The following WDR3 variants were observed in gnomAD, a reference collection of about 807,000 sequenced individuals.
WDR3 encodes the protein WD repeat domain 3, also known as WD repeat-containing protein 3.
WDR3 carries 81 observed loss-of-function variants against 123.7 expected under a neutral mutation model. The ratio of observed to expected loss-of-function variants is 0.65; its 90% CI spans 0.55 to 0.79. The LOEUF is 0.79. Among genes scored for constraint, WDR3 ranks in the 30% least tolerant of loss-of-function variants. The pLI is 0.00. For synonymous variants in WDR3, 390 were observed against 388.8 expected, an observed-to-expected ratio of 1.00 and a Z score of -0.04; for missense variants, 1,027 against 1,123.2, an observed-to-expected ratio of 0.91 and a Z score of 1.22.
rs1206938226 is a variant in WDR3, at chr1:117,954,751, CTT to C, written c.2409+127_2409+128del. On this transcript the variant is annotated intron_variant, in intron 23 of 26. Coordinates refer to ENST00000349139, the MANE Select transcript of WDR3 (RefSeq NM_006784.3). ...GGGAATACTTTGTCTTCAAAAGTCT[CTT>C]TTGAATCTTGGCATTCTCTAGGATA... is the stretch of plus-strand genomic sequence containing the variant. The C allele has an allele frequency of 3.9e-6, 4 of 1,033,364 alleles. No homozygotes were observed. The African/African-American group carries it at 4.9e-5, about 13-fold the overall frequency. The allele number at this position is 1,033,364 out of a possible 1,614,324, so 64.0% of individuals were successfully genotyped here. A position where few individuals can be genotyped will look rare whatever the true frequency, so the allele number is the denominator to read the frequency against.
intron 3 of WDR3, among the ~76,000 whole-genome samples, chr1:117,935,239 A>G (rs2101193331): frequency 6.6e-6 from 1 of 152,340 alleles, no homozygotes; most frequent in East Asian, 1.9e-4. Flanking sequence ...ATATAGCTAA[A>G]GCTATGTTTA....
intron 23 of WDR3, 30 bp downstream of exon 23, chr1:117,954,657 G>A: frequency 6.2e-7 from 1 of 1,602,426 alleles, no homozygotes; most frequent in Admixed American, 1.7e-5. Flanking sequence ...GTTTTCCTTT[G>A]TTTATTAAAA....
At position 117,952,607 on chromosome 1, in the gene WDR3, T is replaced by C; in HGVS notation, c.2096T>C (p.Leu699Pro). The C allele has an allele frequency of 6.2e-7, 1 of 1,613,640 alleles. No individual in the cohort carries two copies. The highest frequency in any genetic ancestry group is 8.5e-7 in the Non-Finnish European group (1 of 1,179,642). The change falls in exon 19 of 27, where the codon CTG becomes CCG. Residue 699 changes from leucine to proline, a missense_variant. By Grantham distance (98) the Leu-to-Pro change is moderately conservative (BLOSUM62 -3). Transcript: ENST00000349139. Reference protein sequence around the residue: ...YVVSSSHDKSLRLWERTREPL... With the variant: ...YVVSSSHDKSPRLWERTREPL... ...GTATCATCGTCCCATGACAAATCTC[T>C]GAGACTTTGGGAGAGAACAAGGGAG...
In WDR3 at chr1:117,936,811, C is replaced by T; in HGVS notation, c.424C>T (p.Leu142=). The T allele has an allele frequency of 6.2e-7, 1 of 1,613,266 alleles. No individual in the cohort carries two copies. Among genetic ancestry groups the T allele is most frequent in the Non-Finnish European group, 8.5e-7 (1 of 1,179,430 alleles). Residue 142 remains leucine (L), a synonymous_variant, in exon 4 of 27, where the codon CTG becomes TTG. Transcript: ENST00000349139. ...IVWDVINESG[L]YRLKGHKDAI... ...ATGGGATGTGATCAATGAAAGTGGTCTGTACCGTCTAAAGGGGCACAAGGA... is the reference window on the plus strand; with the variant it reads ...ATGGGATGTGATCAATGAAAGTGGTTTGTACCGTCTAAAGGGGCACAAGGA...
At chr1:117,932,329 T>A (rs553887227) in intron 1 of WDR3, among the ~76,000 whole-genome samples, 125 of 152,338 alleles carry the variant, frequency 8.2e-4, no homozygotes, top group African/African-American at 2.6e-3. Context: ...TCTCAAAGTG[T>A]GGTCCAAGAA....
intron 11 of WDR3, among the ~76,000 whole-genome samples, chr1:117,944,725 A>G (rs1453218727): frequency 2.6e-5 from 4 of 152,136 alleles, no homozygotes; most frequent in Non-Finnish European, 5.9e-5. Flanking sequence ...ATTTTGAGAC[A>G]GAGGCTCGCT....
rs544162197 is a variant in WDR3, at chr1:117,931,359, G to A, written c.-33+1577G>A. 2.9e-4 allele frequency among the ~76,000 whole-genome samples: 44 copies of A among 152,306 alleles called. 1 individual carries two copies. Among genetic ancestry groups the A allele is most frequent in the African/African-American group, 9.6e-4 (40 of 41,560 alleles). On this transcript the variant is annotated intron_variant, in intron 1 of 26. Coordinates refer to ENST00000349139, the MANE Select transcript of WDR3 (RefSeq NM_006784.3). Reference sequence around the variant, plus strand: ...GCATAATGTTATCAGTTACTATAGCGTAAGCACTCTCTAAATCTTGGCTGC... The same window carrying A: ...GCATAATGTTATCAGTTACTATAGCATAAGCACTCTCTAAATCTTGGCTGC...
At chr1:117,949,049 A>G (rs1223087145) in intron 13 of WDR3, among the ~76,000 whole-genome samples, 2 of 152,098 alleles carry the variant, frequency 1.3e-5, no homozygotes, top group Admixed American at 6.5e-5. Flanking sequence ...ATGATAGACA[A>G]TTTTCATCCG....
Position 117,964,190 on chromosome 1 carries a change from C to A in WDR3, c.*4743C>A. On this transcript the variant is annotated 3_prime_UTR_variant, in exon 27 of 27. Coordinates refer to ENST00000349139, the MANE Select transcript of WDR3 (RefSeq NM_006784.3). ...CTGTGACTGGCTTTCTATAAGGAGC[C>A]ATCAGTATGGTCAAGCCCCAAACCA... 3.1e-6 allele frequency: 1 copy of A among 319,796 alleles called. No homozygotes were observed. Among genetic ancestry groups the A allele is most frequent in the Non-Finnish European group, 5.9e-6 (1 of 170,892 alleles). The allele number at this position is 319,796 out of a possible 1,614,324, so 19.8% of individuals were successfully genotyped here.
chr1:117,952,124 A>T (rs922848073), intron 17 of WDR3, 48 bp downstream of exon 17: 1 of 1,577,996 alleles, frequency 6.3e-7, no homozygotes, highest in African/African-American at 1.4e-5. Flanking sequence ...CCTGTAAGTT[A>T]TCACTTTCCT....
intron 8 of WDR3, 32 bp from the exon 9 acceptor site, chr1:117,941,718 C>T (rs1441371015): frequency 6.3e-7 from 1 of 1,596,454 alleles, no homozygotes; most frequent in African/African-American, 1.4e-5. Flanking sequence ...AATTACCTCT[C>T]CTTGACTCAC....
intron 15 of WDR3, among the ~76,000 whole-genome samples, 182 bp from the exon 16 acceptor site, chr1:117,950,650 GCA>G (rs1360729993): frequency 6.6e-6 from 1 of 152,052 alleles, no homozygotes; most frequent in South Asian, 2.1e-4. Flanking sequence ...TTCTTGGCAA[GCA>G]CATGGAGGGT....
chr1:117,957,889 A>T (rs1279078897), intron 25 of WDR3, among the ~76,000 whole-genome samples: 1 of 152,218 alleles, frequency 6.6e-6, no homozygotes, highest in Non-Finnish European at 1.5e-5. Context: ...TGGTCTCTAC[A>T]GGTGCAAATG....
chr1:117,962,750 T>C lies in WDR3; in HGVS notation c.*3303T>C, dbSNP rs1275276437. The C allele has an allele frequency of 1.3e-5, 2 of 152,242 alleles. No homozygotes were observed. Among genetic ancestry groups the C allele is most frequent in the Non-Finnish European group, 1.5e-5 (1 of 68,044 alleles). 9.4% of individuals were successfully genotyped at this position (152,242 alleles called of 1,614,324 possible). ...TAAATTATATCTCATTCTAAAGATA[T>C]CTAGCAAATCTCCAGCAGAGATCTA... is the stretch of plus-strand genomic sequence containing the variant. On this transcript the variant is annotated 3_prime_UTR_variant, in exon 27 of 27. Coordinates refer to ENST00000349139, the MANE Select transcript of WDR3 (RefSeq NM_006784.3).
Position 117,966,473 on chromosome 1 carries a change from CTT to C in WDR3, c.*7028_*7029del, listed in dbSNP as rs1468075431. 2 of 900,614 alleles carry C rather than the reference CTT, an allele frequency of 2.2e-6. No individual in the cohort carries two copies. The highest frequency in any genetic ancestry group is 3.2e-6 in the Non-Finnish European group (2 of 632,422). The allele number at this position is 900,614 out of a possible 1,614,324, so 55.8% of individuals were successfully genotyped here. A position where few individuals can be genotyped will look rare whatever the true frequency, so the allele number is the denominator to read the frequency against. ...GCTTTCAAAGATGAATGAAGATGCT[CTT>C]TGTCTTAATAAATTTAACTCTGATT... On this transcript the variant is annotated 3_prime_UTR_variant, in exon 27 of 27. Coordinates refer to ENST00000349139, the MANE Select transcript of WDR3 (RefSeq NM_006784.3).
intron 5 of WDR3, among the ~76,000 whole-genome samples, chr1:117,938,770 C>T (rs1039405780): frequency 3.3e-5 from 5 of 152,108 alleles, no homozygotes; most frequent in Admixed American, 6.5e-5. Context: ...ATTGGCCTTG[C>T]GTGGTTTTTA....
chr1:117,957,366 C>T (rs1437958444), intron 25 of WDR3, among the ~76,000 whole-genome samples, 170 bp downstream of exon 25: 1 of 152,154 alleles, frequency 6.6e-6, no homozygotes, highest in African/African-American at 2.4e-5. Flanking sequence ...TGCTTGAGCC[C>T]AGAAGTTTGC....
At chr1:117,950,920 A>G in intron 16 of WDR3, 30 bp downstream of exon 16, 1 of 1,572,184 alleles carries the variant, frequency 6.4e-7, no homozygotes, top group South Asian at 1.2e-5. Context: ...TCTCAGTAAT[A>G]TGTTGTCTTT....
intron 25 of WDR3, among the ~76,000 whole-genome samples, chr1:117,957,420 G>T (rs777227433): frequency 6.9e-6 from 1 of 144,672 alleles, no homozygotes; most frequent in Non-Finnish European, 1.5e-5. Flanking sequence ...CAAGGATCAT[G>T]ATGACCCACC....
Sources: allele counts gnomAD v4.1 joint callset (sites outside exome capture counted in the v4.1 genomes callset), GRCh38; gene constraint gnomAD v4.1.1; transcripts MANE v1.5; gene names NCBI Gene and HGNC (gene_info 2026-07-23, HGNC 2026-07-21).